The following CPLANE1 variants were observed in gnomAD, a reference collection of about 807,000 sequenced individuals.
CPLANE1 encodes ciliogenesis and planar polarity effector complex subunit 1.
CPLANE1 carries 263 observed loss-of-function variants against 362.5 expected under a neutral mutation model. The observed-to-expected ratio is 0.73, with a 90% CI of 0.66 to 0.80. CPLANE1 has a LOEUF of 0.80. Among genes scored for constraint, CPLANE1 ranks in the 30% least tolerant of loss-of-function variants. CPLANE1 has a pLI of 0.00. For missense variants in CPLANE1, 3,461 were observed against 3,793.4 expected (o/e 0.91, Z 2.30); for synonymous variants, 1,212 against 1,302.6 (o/e 0.93, Z 1.50).
At chr5:37,127,828 A>AATTT (rs978433854) in intron 46 of CPLANE1, among the ~76,000 whole-genome samples, 39 of 151,848 alleles carry the variant, frequency 2.6e-4, no homozygotes, top group South Asian at 2.3e-3. Flanking sequence ...TATTTAATTA[A>AATTT]ATTTATTTAT....
intron 37 of CPLANE1, among the ~76,000 whole-genome samples, chr5:37,163,096 T>C (rs184040667): frequency 2.9e-4 from 44 of 152,346 alleles, no homozygotes; most frequent in South Asian, 1.2e-3. Context: ...GATATTCTTC[T>C]GGCTAATGAA....
chr5:37,244,116 C>T (rs1299688082), intron 5 of CPLANE1, among the ~76,000 whole-genome samples: 1 of 152,038 alleles, frequency 6.6e-6, no homozygotes, highest in Non-Finnish European at 1.5e-5. Context: ...TCCCAAAGTG[C>T]TGGGAATACA....
intron 16 of CPLANE1, chr5:37,210,394 A>G: frequency 9.8e-7 from 1 of 1,021,780 alleles, no homozygotes; most frequent in Non-Finnish European, 1.5e-6. Flanking sequence ...ACCTATGACC[A>G]AAAACTCAAG....
In CPLANE1 at chr5:37,121,633, A is replaced by C. The variant is rs760027584; in HGVS notation, c.9169T>G (p.Cys3057Gly). ...TTGTCTTACCCTCTTGGAGAAGGGC[A>C]GTGTTGACAACTGGAAGACTGAGTA... ...SPTQSSSCQH[C>G]PSPRGENQHG... Residue 3057 changes from cysteine to glycine, a missense_variant, in exon 49 of 53, where the codon TGC becomes GGC. This residue lies in a region of CPLANE1 where 3,380 missense variants were observed against 3,666.1 expected (regional missense o/e 0.92). Transcript: ENST00000651892. The C allele has an allele frequency of 6.2e-7, 1 of 1,614,132 alleles. No homozygotes were observed. The highest frequency in any genetic ancestry group is 1.7e-5 in the Admixed American group (1 of 60,020).
At position 37,227,042 on chromosome 5, in the gene CPLANE1, C is replaced by A; in HGVS notation, c.1553G>T (p.Arg518Ile). 1.9e-6 allele frequency: 3 copies of A among 1,547,218 alleles called. No individual in the cohort carries two copies. The highest frequency in any genetic ancestry group is 2.4e-5 in the South Asian group (2 of 82,716). The change falls in exon 12 of 53, where the codon AGA becomes ATA. Residue 518 changes from arginine to isoleucine, a missense_variant. Coordinates refer to ENST00000651892, the MANE Select transcript of CPLANE1 (RefSeq NM_001384732.1). Reference sequence around the variant, plus strand: ...AGGACATAAGTTGTCTGGAAAGTGTCTGCCTTCGTTAGTTTCTTCTGCTTC... The same window carrying A: ...AGGACATAAGTTGTCTGGAAAGTGTATGCCTTCGTTAGTTTCTTCTGCTTC... ...DFEAEETNEG[R>I]HFPDNLCPFW...
rs372581472 is a variant in CPLANE1, at chr5:37,193,484, A to C, written c.3811+2374T>G. ...GACCTAGCCAACATGGCAAAACCCC[A>C]TATCTACTAAAAATACAAAAATTAG... On this transcript the variant is annotated intron_variant, in intron 21 of 52. Transcript: ENST00000651892. Among the ~76,000 whole-genome samples the C allele has an allele frequency of 1.5e-3, 231 of 152,120 alleles. 1 individual carries two copies. The highest frequency in any genetic ancestry group is 5.4e-3 in the African/African-American group (224 of 41,520).
At position 37,213,684 on chromosome 5, in the gene CPLANE1, G is replaced by GGAT. The variant is rs1397983599; in HGVS notation, c.2792_2794dup (p.His931dup). The GGAT allele has an allele frequency of 6.5e-7, 1 of 1,540,702 alleles. No individual in the cohort carries two copies. On this transcript the variant is annotated inframe_insertion, in exon 16 of 53. Transcript: ENST00000651892. ...CTGGACGACTCTCACTGCTGCCTCA[G>GGAT]GATGAACACCGCCCACCATTCCACA...
chr5:37,145,213 G>A (rs887578750), intron 43 of CPLANE1, among the ~76,000 whole-genome samples: 3 of 152,246 alleles, frequency 2.0e-5, no homozygotes, highest in Non-Finnish European at 4.4e-5. Context: ...GCTGAGGCAG[G>A]AGAATTGCTT....
intron 38 of CPLANE1, among the ~76,000 whole-genome samples, chr5:37,160,763 C>A (rs1311902699): frequency 6.6e-6 from 1 of 151,230 alleles, no homozygotes; most frequent in Non-Finnish European, 1.5e-5. Flanking sequence ...GCTCTGCCTC[C>A]CAGGTTCATG....
intron 8 of CPLANE1, among the ~76,000 whole-genome samples, chr5:37,237,486 G>A (rs1799263855): frequency 6.6e-6 from 1 of 152,098 alleles, no homozygotes; most frequent in Admixed American, 6.5e-5. Flanking sequence ...TTATCTGTTG[G>A]GTACAATGTT....
At position 37,164,746 on chromosome 5, in the gene CPLANE1, C is replaced by T. The variant is rs143135574; in HGVS notation, c.7534-419G>A. 3.8e-3 allele frequency among the ~76,000 whole-genome samples: 580 copies of T among 152,250 alleles called. 4 individuals carry two copies. The highest frequency in any genetic ancestry group is 0.013 in the African/African-American group (548 of 41,556). On this transcript the variant is annotated intron_variant, in intron 36 of 52. Transcript: ENST00000651892. ...ATCAATGTAAACAAAACTATTAATACGTCTCTATTTAATCTGTTGTTGCAA... is the reference window on the plus strand; with the variant it reads ...ATCAATGTAAACAAAACTATTAATATGTCTCTATTTAATCTGTTGTTGCAA...
rs1233536996 is a variant in CPLANE1, at chr5:37,226,654, A to ACAC, written c.1940_1941insGTG (p.His647delinsGlnCys). On this transcript the variant is annotated protein_altering_variant, in exon 12 of 53. Transcript: ENST00000651892. ...CTTGTTTGTATCTTATATCCCAATA[A>ACAC]TGGATTGATAAACACTGATGAAAAA... 2.6e-6 allele frequency: 4 copies of ACAC among 1,551,308 alleles called. No individual in the cohort carries two copies. Among genetic ancestry groups the ACAC allele is most frequent in the Non-Finnish European group, 3.5e-6 (4 of 1,146,876 alleles).
At chr5:37,178,615 A>G (rs899064838) in intron 29 of CPLANE1, among the ~76,000 whole-genome samples, 2 of 142,708 alleles carry the variant, frequency 1.4e-5, no homozygotes, top group East Asian at 3.9e-4. Context: ...CCTCATCTCG[A>G]AAAAAAAAAA....
At chr5:37,122,529 C>A in intron 47 of CPLANE1, 41 bp from the exon 48 acceptor site, 1 of 1,468,032 alleles carries the variant, frequency 6.8e-7, no homozygotes, top group East Asian at 2.3e-5. Flanking sequence ...TTGTTCAATC[C>A]AAATAATTAA....
intron 9 of CPLANE1, among the ~76,000 whole-genome samples, chr5:37,230,073 G>A (rs1797372927): frequency 6.6e-6 from 1 of 151,944 alleles, no homozygotes; most frequent in African/African-American, 2.4e-5. Flanking sequence ...CTACTTGGGA[G>A]GCTGAGGCAG....
rs79377186 is a variant in CPLANE1, at chr5:37,182,867, T to C, written c.5314A>G (p.Ser1772Gly). ...GAGGTCTTTACACGAATTACTGGAC[T>C]GTACTCAGAGGATGACTCAGTTATA... Reference protein sequence around the residue: ...SGITESSSEYSPVIRVKTSTA... With the variant: ...SGITESSSEYGPVIRVKTSTA... The change falls in exon 26 of 53, where the codon AGT becomes GGT. Residue 1772 changes from serine (S) to glycine (G), a missense_variant. This residue lies in a region of CPLANE1 where 3,380 missense variants were observed against 3,666.1 expected (regional missense o/e 0.92). Transcript: ENST00000651892. 9,111 of 1,609,476 alleles carry C rather than the reference T, an allele frequency of 5.7e-3. 116 individuals carry two copies. The highest frequency in any genetic ancestry group is 0.048 in the African/African-American group (3,622 of 74,822).
At chr5:37,187,927 T>C in intron 21 of CPLANE1, 85 bp from the exon 22 acceptor site, 2 of 886,916 alleles carry the variant, frequency 2.3e-6, no homozygotes, top group Non-Finnish European at 3.4e-6. Context: ...TGATCATTTT[T>C]TTCAAAATAA....
chr5:37,081,888 C>T, the CPLANE1 span, among the ~76,000 whole-genome samples: 51 of 152,112 alleles, frequency 3.4e-4, no homozygotes, highest in Non-Finnish European at 5.3e-4. Flanking sequence ...CGCCTGTAAT[C>T]CCAGCACTTT....
intron 51 of CPLANE1, among the ~76,000 whole-genome samples, chr5:37,108,988 C>T (rs1215533913): frequency 1.3e-5 from 2 of 152,310 alleles, no homozygotes; most frequent in East Asian, 3.9e-4. Context: ...AATTTTCATT[C>T]CAGCTAATGC....
Sources: allele counts gnomAD v4.1 joint callset (sites outside exome capture counted in the v4.1 genomes callset), GRCh38; gene constraint gnomAD v4.1.1; regional missense constraint gnomAD v4.1.1; transcripts MANE v1.5; gene names NCBI Gene and HGNC (gene_info 2026-07-23, HGNC 2026-07-21).